Variants in CSMD3 observed in about 807,000 individuals in gnomAD.
The protein encoded by CSMD3 is CUB and Sushi multiple domains 3.
Under a neutral mutation model 435.2 loss-of-function variants are expected in CSMD3, and 177 were observed. That is an observed-to-expected ratio of 0.41 (90% CI 0.36 to 0.46). The LOEUF (loss-of-function observed/expected upper bound fraction) is 0.46, where lower values mean the gene tolerates loss of function less well. Among genes scored for constraint, CSMD3 ranks in the 20% least tolerant of loss-of-function variants. The pLI, the probability that CSMD3 is intolerant of heterozygous loss-of-function variation, is 0.34. For synonymous variants in CSMD3, 1,656 were observed against 1,520.5 expected (o/e 1.09, Z -2.07); for missense variants, 4,265 against 4,504.6 (o/e 0.95, Z 1.52).
intron 16 of CSMD3, among the ~76,000 whole-genome samples, chr8:112,674,740 T>C (rs898562579): frequency 1.3e-5 from 2 of 152,164 alleles, no homozygotes; most frequent in African/African-American, 4.8e-5. Flanking sequence ...GCTCATTGTA[T>C]AAGCAAATAT....
intron 32 of CSMD3, among the ~76,000 whole-genome samples, chr8:112,443,934 C>T (rs1815319673): frequency 6.6e-6 from 1 of 151,952 alleles, no homozygotes; most frequent in African/African-American, 2.4e-5. Context: ...CATAACAGCC[C>T]TATAAAGTAG....
rs10102364 is a variant in CSMD3 at position 112,547,138 on chromosome 8, G to C, written c.4564+3533C>G. ...GACAATTAAAACGACAATACTTCCT[G>C]ATTTTGTAGGAGCATCCTGGTTTGT... On this transcript the variant is annotated intron_variant, in intron 27 of 70. Transcript: ENST00000297405. 1.1e-3 allele frequency among the ~76,000 whole-genome samples: 172 copies of C among 152,260 alleles called. 2 individuals are homozygous for C. The highest frequency in any genetic ancestry group is 4.1e-3 in the African/African-American group (169 of 41,566).
chr8:112,869,031 T>C (rs1039905564), intron 10 of CSMD3, among the ~76,000 whole-genome samples: 1 of 152,070 alleles, frequency 6.6e-6, no homozygotes, highest in Non-Finnish European at 1.5e-5. Flanking sequence ...TATCATGATA[T>C]TGATAGGAGG....
At chr8:112,485,798 A>T (rs1179313875) in intron 31 of CSMD3, among the ~76,000 whole-genome samples, 1 of 152,102 alleles carries the variant, frequency 6.6e-6, no homozygotes, top group Non-Finnish European at 1.5e-5. Flanking sequence ...CTCTTCTTTT[A>T]AAAGCTTGTA....
At chr8:113,322,136 C>G (rs916084310) in intron 1 of CSMD3, among the ~76,000 whole-genome samples, 1 of 151,988 alleles carries the variant, frequency 6.6e-6, no homozygotes, top group Admixed American at 6.6e-5. Context: ...CTTTATGATG[C>G]CTTCATTAGT....
At chr8:112,999,574 T>A (rs1375672748) in intron 6 of CSMD3, among the ~76,000 whole-genome samples, 1 of 151,766 alleles carries the variant, frequency 6.6e-6, no homozygotes, top group African/African-American at 2.4e-5. Context: ...TTGGATTTTT[T>A]AAATATCACT....
intron 3 of CSMD3, among the ~76,000 whole-genome samples, chr8:113,216,974 G>A (rs1293345053): frequency 1.3e-5 from 2 of 151,638 alleles, no homozygotes; most frequent in Admixed American, 1.3e-4. Flanking sequence ...GGCAACTGAG[G>A]AACAAAAAAC....
chr8:112,413,664 A>C (rs1375949589), intron 32 of CSMD3, among the ~76,000 whole-genome samples: 1 of 152,176 alleles, frequency 6.6e-6, no homozygotes, highest in Non-Finnish European at 1.5e-5. Flanking sequence ...GTTAGTGCTC[A>C]CAGGGGAGGG....
At chr8:112,398,163 C>T (rs1330114240) in intron 35 of CSMD3, among the ~76,000 whole-genome samples, 1 of 152,162 alleles carries the variant, frequency 6.6e-6, no homozygotes, top group Non-Finnish European at 1.5e-5. Context: ...CAAGAAGAAT[C>T]TCTTTGATTC....
At chr8:113,358,845 T>C (rs949410838) in intron 1 of CSMD3, among the ~76,000 whole-genome samples, 1 of 151,692 alleles carries the variant, frequency 6.6e-6, no homozygotes, top group Non-Finnish European at 1.5e-5. Context: ...GTGATAAGAG[T>C]AGTAGCTCTG....
chr8:112,984,741 G>A (rs1020319787), intron 6 of CSMD3, among the ~76,000 whole-genome samples: 3 of 152,004 alleles, frequency 2.0e-5, no homozygotes, highest in African/African-American at 7.2e-5. Context: ...TTACATATTT[G>A]TACCTATTGA....
chr8:113,134,787 A>C (rs1379596704), intron 4 of CSMD3, among the ~76,000 whole-genome samples: 1 of 152,016 alleles, frequency 6.6e-6, no homozygotes, highest in Non-Finnish European at 1.5e-5. Context: ...AATTTTAAAA[A>C]GGGGTTTATT....
At chr8:113,320,015 G>A (rs2093938437) in intron 1 of CSMD3, among the ~76,000 whole-genome samples, 1 of 151,974 alleles carries the variant, frequency 6.6e-6, no homozygotes. Flanking sequence ...CATTGTCCAA[G>A]CTCATCTTCT....
intron 17 of CSMD3, among the ~76,000 whole-genome samples, chr8:112,664,060 T>C (rs950000801): frequency 2.6e-5 from 4 of 152,136 alleles, no homozygotes; most frequent in Non-Finnish European, 4.4e-5. Flanking sequence ...ATAGATGCTA[T>C]GAACTGATAC....
intron 7 of CSMD3, among the ~76,000 whole-genome samples, chr8:112,965,629 C>T (rs1266069700): frequency 1.3e-5 from 2 of 151,834 alleles, no homozygotes. Flanking sequence ...TGCAGATTTG[C>T]CATTTGTGAA....
chr8:112,409,935 T>C (rs546306079), intron 32 of CSMD3, among the ~76,000 whole-genome samples: 1 of 152,124 alleles, frequency 6.6e-6, no homozygotes, highest in East Asian at 1.9e-4. Flanking sequence ...ATAATTTTAA[T>C]GAAAATTTAA....
chr8:112,600,075 T>A lies in CSMD3; in HGVS notation c.3716-12840A>T, dbSNP rs78156548. Among the ~76,000 whole-genome samples, 105 of 151,966 alleles carry A rather than the reference T, an allele frequency of 6.9e-4. 1 individual carries two copies. In the East Asian group the frequency reaches 0.015, roughly 21 times the overall value. On this transcript the variant is annotated intron_variant, in intron 22 of 70. Coordinates refer to ENST00000297405, the MANE Select transcript of CSMD3 (RefSeq NM_198123.2). ...GGGTGACTGGGGTTTTAAAATGCTA[T>A]CTCTGAGTCAGAACACCCAAAAATC...
At chr8:113,283,485 A>G (rs541227146) in intron 2 of CSMD3, among the ~76,000 whole-genome samples, 1 of 152,222 alleles carries the variant, frequency 6.6e-6, no homozygotes, top group Admixed American at 6.5e-5. Context: ...AAAATACTCA[A>G]CATCACTAAT....
intron 1 of CSMD3, among the ~76,000 whole-genome samples, chr8:113,325,768 C>A (rs2093979619): frequency 6.6e-6 from 1 of 152,184 alleles, no homozygotes; most frequent in Non-Finnish European, 1.5e-5. Flanking sequence ...CTAAAAGGGT[C>A]TCTCAGTCAC....
Sources: allele counts gnomAD v4.1 joint callset (sites outside exome capture counted in the v4.1 genomes callset), GRCh38; gene constraint gnomAD v4.1.1; transcripts MANE v1.5; gene names NCBI Gene and HGNC (gene_info 2026-07-23, HGNC 2026-07-21).